The following ORAI2 variants were observed in gnomAD, a reference collection of about 807,000 sequenced individuals.
ORAI2 encodes the protein protein orai-2.
In ORAI2, 10 loss-of-function variants were observed where a neutral mutation model predicts 16.2. That is an observed-to-expected ratio of 0.62 (90% CI 0.38 to 1.04). ORAI2 has a LOEUF of 1.04. Among genes scored for constraint, ORAI2 ranks in the 50% least tolerant of loss-of-function variants. The pLI is 0.01. For synonymous variants in ORAI2, 150 were observed against 157.5 expected, an observed-to-expected ratio of 0.95 and a Z score of 0.35; for missense variants, 238 against 355.5, an observed-to-expected ratio of 0.67 and a Z score of 2.66.
At position 102,456,054 on chromosome 7, in the gene ORAI2, A is replaced by G. The variant is rs1451027914; in HGVS notation, c.*9002A>G. 2.0e-5 allele frequency: 3 copies of G among 153,390 alleles called. No homozygotes were observed. Among genetic ancestry groups the G allele is most frequent in the Admixed American group, 1.3e-4 (2 of 15,258 alleles). 9.5% of individuals were successfully genotyped at this position (153,390 alleles called of 1,614,324 possible). On this transcript the variant is annotated 3_prime_UTR_variant, in exon 4 of 4. Transcript: ENST00000495936. The stretch of plus-strand genomic sequence containing the variant: ...CCCAGCAGGTGGTGAGGAACTGAAC[A>G]TTTTGTCCCATAGTGGTGGGAGAGA...
rs199552953 is a variant in ORAI2 at position 102,446,703 on chromosome 7, A to C, written c.416A>C (p.His139Pro). Residue 139 changes from histidine (H) to proline (P), a missense_variant, in exon 4 of 4, where the codon CAT becomes CCT. Physicochemically the swap from His to Pro is moderately conservative, Grantham distance 77. Coordinates refer to ENST00000495936, the MANE Select transcript of ORAI2 (RefSeq NM_001126340.3). ...HNLNSISESP[H>P]ERMHPYIELA... ...CTGAACTCCATCAGCGAGTCCCCGC[A>C]TGAGCGCATGCACCCCTACATCGAG... 1 of 1,614,216 alleles carries C rather than the reference A, an allele frequency of 6.2e-7. No individual in the cohort carries two copies. Among genetic ancestry groups the C allele is most frequent in the South Asian group, 1.1e-5 (1 of 91,088 alleles).
chr7:102,446,000 G>A (rs1326987112), intron 3 of ORAI2, among the ~76,000 whole-genome samples: 2 of 151,630 alleles, frequency 1.3e-5, no homozygotes, highest in Admixed American at 6.6e-5. Flanking sequence ...CCAGGCTGGA[G>A]TGCAGTGGTG....
chr7:102,443,277 T>C (rs1206124844), intron 3 of ORAI2, among the ~76,000 whole-genome samples: 5 of 146,460 alleles, frequency 3.4e-5, no homozygotes, highest in South Asian at 4.4e-4. Flanking sequence ...TTTTCTCCTT[T>C]TTTTTTTTTT....
At chr7:102,442,140 G>A (rs1797222231) in intron 3 of ORAI2, among the ~76,000 whole-genome samples, 1 of 152,174 alleles carries the variant, frequency 6.6e-6, no homozygotes, top group Non-Finnish European at 1.5e-5. Context: ...CATAGGCCAG[G>A]CGGGGTGGCT....
In ORAI2 at chr7:102,450,593, G is replaced by C. The variant is rs1314928349; in HGVS notation, c.*3541G>C. 6.6e-6 allele frequency: 1 copy of C among 152,300 alleles called. No homozygotes were observed. Among genetic ancestry groups the C allele is most frequent in the African/African-American group, 2.4e-5 (1 of 41,478 alleles). The allele number at this position is 152,300 out of a possible 1,614,324, so 9.4% of individuals were successfully genotyped here. On this transcript the variant is annotated 3_prime_UTR_variant, in exon 4 of 4. Transcript: ENST00000495936. ...GAGCCACATCCAAGTCTAGCCCTCT[G>C]ATTAGGAGGATGACAGTCTTGGAAT...
In ORAI2 at chr7:102,433,650, AGGGCAGCTCCGGTGAGTGTGGCGGCGCGG is replaced by A; in HGVS notation, c.-129_-123+22del. On this transcript the variant is annotated splice_donor_variant and splice_donor_5th_base_variant and 5_prime_UTR_variant and intron_variant, in exon 1 of 4. Transcript: ENST00000495936. LOFTEE classifies it low-confidence loss of function (5UTR_SPLICE). The surrounding 1 kb of genome is among the most constrained non-coding windows in gnomAD (Gnocchi z 4.6). ...AGCGGGAGCCGAGCCGGGCGGGGCG[AGGGCAGCTCCGGTGAGTGTGGCGGCGCGG>A]GGGCCTGGCGCGGGGAGCGGGGTCC... 6.6e-6 allele frequency: 1 copy of A among 150,988 alleles called. No individual in the cohort carries two copies. Among genetic ancestry groups the A allele is most frequent in the South Asian group, 2.1e-4 (1 of 4,804 alleles). 9.4% of individuals were successfully genotyped at this position (150,988 alleles called of 1,614,324 possible). A position where few individuals can be genotyped will look rare whatever the true frequency, so the allele number is the denominator to read the frequency against.
In ORAI2 at chr7:102,433,881, C is replaced by A. The variant is rs1352459504; in HGVS notation, c.-123+220C>A. 3.3e-5 allele frequency among the ~76,000 whole-genome samples: 5 copies of A among 151,902 alleles called. No homozygotes were observed. On this transcript the variant is annotated intron_variant, in intron 1 of 3. Coordinates refer to ENST00000495936, the MANE Select transcript of ORAI2 (RefSeq NM_001126340.3). This position sits in a 1 kb window ranked among gnomAD's most constrained non-coding sequence, Gnocchi z 4.6. ...CGGCGGCGCAGCCGGTTCCGGACAC[C>A]GGGGCGTCCCTGGGGGAGGGACAGG...
chr7:102,450,508 G>A lies in ORAI2; in HGVS notation c.*3456G>A, dbSNP rs1263828192. 6.6e-6 allele frequency: 1 copy of A among 152,350 alleles called. No individual in the cohort carries two copies. The highest frequency in any genetic ancestry group is 1.5e-5 in the Non-Finnish European group (1 of 68,114). The allele number at this position is 152,350 out of a possible 1,614,324, so 9.4% of individuals were successfully genotyped here. A position where few individuals can be genotyped will look rare whatever the true frequency, so the allele number is the denominator to read the frequency against. ...ACCTGGTCCCCAGGCAGAGCTCTTG[G>A]CCTGGCAGCATCCAGGCAGGTATTA... On this transcript the variant is annotated 3_prime_UTR_variant, in exon 4 of 4. Transcript: ENST00000495936.
At chr7:102,439,222 G>A (rs1563634603) in intron 3 of ORAI2, 41 bp downstream of exon 3, 3 of 1,561,264 alleles carry the variant, frequency 1.9e-6, no homozygotes, top group Middle Eastern at 1.9e-4. Flanking sequence ...TGGTCAGATG[G>A]GCTTTGCTAA....
chr7:102,441,821 T>C (rs921362158), intron 3 of ORAI2, among the ~76,000 whole-genome samples: 1 of 151,946 alleles, frequency 6.6e-6, no homozygotes, highest in Non-Finnish European at 1.5e-5. Context: ...ACCTGCTTGA[T>C]TAGATTAGCA....
chr7:102,434,124 A>G (rs1476112703), intron 1 of ORAI2, among the ~76,000 whole-genome samples: 1 of 35,776 alleles, frequency 2.8e-5, no homozygotes, highest in Non-Finnish European at 6.0e-5. Context: ...ATTAAAGCAA[A>G]AAAAAAAAAA....
At chr7:102,435,536 C>CTTTTTTTTTTTT (rs56680127) in intron 1 of ORAI2, among the ~76,000 whole-genome samples, 1 of 121,574 alleles carries the variant, frequency 8.2e-6, no homozygotes, top group Non-Finnish European at 1.7e-5. Context: ...GCCCCCCCCT[C>CTTTTTTTTTTTT]TTTTTTTTTT....
Position 102,456,509 on chromosome 7 carries a change from G to C in ORAI2, c.*9457G>C, listed in dbSNP as rs1428912263. 1 of 152,174 alleles carries C rather than the reference G, an allele frequency of 6.6e-6. No individual in the cohort carries two copies. The highest frequency in any genetic ancestry group is 2.4e-5 in the African/African-American group (1 of 41,440). The allele number at this position is 152,174 out of a possible 1,614,324, so 9.4% of individuals were successfully genotyped here. A position where few individuals can be genotyped will look rare whatever the true frequency, so the allele number is the denominator to read the frequency against. Reference sequence around the variant, plus strand: ...CCCACCTGAGCCCCGCAAAGTACTCGGATTACAGGTGTGAGTCACCGCGCC... The same window carrying C: ...CCCACCTGAGCCCCGCAAAGTACTCCGATTACAGGTGTGAGTCACCGCGCC... On this transcript the variant is annotated 3_prime_UTR_variant, in exon 4 of 4. Transcript: ENST00000495936.
At chr7:102,435,090 CA>C (rs1245446501) in intron 1 of ORAI2, among the ~76,000 whole-genome samples, 1 of 152,096 alleles carries the variant, frequency 6.6e-6, no homozygotes, top group Non-Finnish European at 1.5e-5. Flanking sequence ...GCCAACATAG[CA>C]AAACCCTGTC....
chr7:102,441,759 G>A (rs1163650238), intron 3 of ORAI2, among the ~76,000 whole-genome samples: 1 of 152,062 alleles, frequency 6.6e-6, no homozygotes, highest in Admixed American at 6.6e-5. Context: ...GCTGCAGTGG[G>A]AAGCAAGTGA....
chr7:102,435,692 C>T (rs193040352), intron 1 of ORAI2, among the ~76,000 whole-genome samples: 16 of 151,688 alleles, frequency 1.1e-4, no homozygotes, highest in Non-Finnish European at 1.5e-4. Flanking sequence ...TGGAGTGCCG[C>T]GGTAGGATCT....
chr7:102,441,983 A>G (rs1295465693), intron 3 of ORAI2, among the ~76,000 whole-genome samples: 1 of 152,122 alleles, frequency 6.6e-6, no homozygotes, highest in Non-Finnish European at 1.5e-5. Context: ...CGCCCTTTAT[A>G]GTGTGTCTTC....
intron 3 of ORAI2, among the ~76,000 whole-genome samples, chr7:102,439,782 T>C (rs113827069): frequency 2.6e-5 from 4 of 151,086 alleles, no homozygotes; most frequent in African/African-American, 9.8e-5. Flanking sequence ...AAAAATAAAA[T>C]TTATTTATTT....
rs1797514808 is a variant in ORAI2 at position 102,451,348 on chromosome 7, C to A, written c.*4296C>A. The A allele has an allele frequency of 6.6e-6, 1 of 152,160 alleles. No individual in the cohort carries two copies. Among genetic ancestry groups the A allele is most frequent in the African/African-American group, 2.4e-5 (1 of 41,418 alleles). 9.4% of individuals were successfully genotyped at this position (152,160 alleles called of 1,614,324 possible). ...TACACCCTCTCCGTTTAGTACCTGA[C>A]CACCTGTTTCAAAACGCAGGTGTTT... On this transcript the variant is annotated 3_prime_UTR_variant, in exon 4 of 4. Transcript: ENST00000495936.
Sources: gnomAD v4.1 joint callset for allele counts (sites outside exome capture counted in the v4.1 genomes callset) on GRCh38, gnomAD v4.1.1 for gene constraint, Gnocchi (gnomAD v3.1) non-coding constraint, MANE v1.5 for transcripts, NCBI Gene and HGNC (gene_info 2026-07-23, HGNC 2026-07-21) for gene names.